Variants in RAB3GAP2 observed in about 807,000 individuals in gnomAD.
The protein encoded by RAB3GAP2 is RAB3 GTPase activating non-catalytic protein subunit 2.
A neutral mutation model predicts 185.3 loss-of-function variants in RAB3GAP2; 87 were observed. That is an observed-to-expected ratio of 0.47 (90% CI 0.39 to 0.56). The LOEUF is 0.56. Among genes scored for constraint, RAB3GAP2 ranks in the 20% least tolerant of loss-of-function variants. The pLI is 0.00. For synonymous variants in RAB3GAP2, 554 were observed against 576.1 expected (o/e 0.96, Z 0.55); for missense variants, 1,492 against 1,638.2 (o/e 0.91, Z 1.54).
chr1:220,220,787 CTCTCT>C (rs1179044714), intron 2 of RAB3GAP2, among the ~76,000 whole-genome samples: 1 of 152,186 alleles, frequency 6.6e-6, no homozygotes, highest in South Asian at 2.1e-4. Flanking sequence ...CCTGCACAAG[CTCTCT>C]TCTCTTGTCT....
At chr1:220,153,891 T>C in intron 32 of RAB3GAP2, 77 bp downstream of exon 32, 2 of 1,594,044 alleles carry the variant, frequency 1.3e-6, no homozygotes, top group Non-Finnish European at 1.7e-6. Flanking sequence ...AGTCATTCTT[T>C]TCAAAAGCCA....
At position 220,245,318 on chromosome 1, in the gene RAB3GAP2, G is replaced by A. The variant is rs997778620; in HGVS notation, c.116-12455C>T. Among the ~76,000 whole-genome samples the A allele has an allele frequency of 6.6e-5, 10 of 152,352 alleles. No individual in the cohort carries two copies. In the East Asian group the frequency reaches 1.9e-3, roughly 29 times the overall value. On this transcript the variant is annotated intron_variant, in intron 1 of 34. Coordinates refer to ENST00000358951, the MANE Select transcript of RAB3GAP2 (RefSeq NM_012414.4). ...GCAGGCCAGTGGGTGCGCGCACCAT[G>A]CGCGAGCCGAAGCAGGGCGAGGCAT...
intron 2 of RAB3GAP2, among the ~76,000 whole-genome samples, chr1:220,227,034 T>C (rs527981907): frequency 1.1e-4 from 16 of 152,326 alleles, no homozygotes; most frequent in African/African-American, 3.6e-4. Flanking sequence ...TCAGCCCCGA[T>C]GGCACCTTGA....
chr1:220,180,473 C>T (rs1482609818), intron 21 of RAB3GAP2, among the ~76,000 whole-genome samples: 6 of 151,922 alleles, frequency 3.9e-5, no homozygotes, highest in Non-Finnish European at 8.8e-5. Flanking sequence ...ACAATTGATA[C>T]CATAGAAATA....
chr1:220,226,268 A>G (rs1659400688), intron 2 of RAB3GAP2, among the ~76,000 whole-genome samples: 1 of 152,202 alleles, frequency 6.6e-6, no homozygotes, highest in South Asian at 2.1e-4. Flanking sequence ...AGGAAAGTCC[A>G]TTAAATCAGT....
In RAB3GAP2 at chr1:220,172,675, C is replaced by A. The variant is rs766431062; in HGVS notation, c.2378G>T (p.Cys793Phe). The A allele has an allele frequency of 1.2e-6, 2 of 1,613,082 alleles. No individual in the cohort carries two copies. The highest frequency in any genetic ancestry group is 4.5e-5 in the East Asian group (2 of 44,866). Residue 793 changes from cysteine to phenylalanine, a missense_variant, in exon 22 of 35, where the codon TGT (cysteine) becomes TTT (phenylalanine). Transcript: ENST00000358951. ...CAGGAGGGACAGCATGGTATGAAGA[C>A]AGCAGATTGACTGTGGTTTATCCAA... ...DILDKPQSIC[C>F]LHTMLSLLSK... is the part of the protein sequence containing the mutation.
At chr1:220,266,081 C>G (rs1660222313) in intron 1 of RAB3GAP2, 1 of 154,410 alleles carries the variant, frequency 6.5e-6, no homozygotes, top group South Asian at 2.0e-4. Context: ...TTTAAAGCTA[C>G]AGAGGACAGT....
chr1:220,242,565 G>T (rs765550367), intron 1 of RAB3GAP2, among the ~76,000 whole-genome samples: 1 of 151,946 alleles, frequency 6.6e-6, no homozygotes, highest in African/African-American at 2.4e-5. Flanking sequence ...TCACAGCTCC[G>T]TATTATACCA....
intron 1 of RAB3GAP2, among the ~76,000 whole-genome samples, chr1:220,236,791 G>C (rs1659599843): frequency 6.6e-6 from 1 of 152,112 alleles, no homozygotes; most frequent in South Asian, 2.1e-4. Context: ...TTTCCAAGAA[G>C]GATGGTATTC....
intron 1 of RAB3GAP2, among the ~76,000 whole-genome samples, chr1:220,245,777 C>T (rs1659799488): frequency 6.6e-6 from 1 of 152,160 alleles, no homozygotes; most frequent in Non-Finnish European, 1.5e-5. Context: ...TGTCTGACAG[C>T]TTTGAAGAGA....
intron 1 of RAB3GAP2, among the ~76,000 whole-genome samples, chr1:220,255,406 G>T (rs1660016997): frequency 6.6e-6 from 1 of 152,168 alleles, no homozygotes; most frequent in African/African-American, 2.4e-5. Context: ...TCCAGCAAGG[G>T]CACAGAACCA....
intron 9 of RAB3GAP2, chr1:220,200,513 T>G (rs767270541): frequency 1.9e-6 from 1 of 513,486 alleles, no homozygotes; most frequent in Non-Finnish European, 4.0e-6. Flanking sequence ...CATAAAGATG[T>G]ACATACAATA....
chr1:220,237,915 C>T (rs1209423387), intron 1 of RAB3GAP2, among the ~76,000 whole-genome samples: 4 of 151,126 alleles, frequency 2.6e-5, no homozygotes, highest in Non-Finnish European at 5.9e-5. Context: ...GTGAAATTAA[C>T]CTTAATAATA....
chr1:220,259,547 T>C (rs1412556688), intron 1 of RAB3GAP2, among the ~76,000 whole-genome samples: 1 of 152,090 alleles, frequency 6.6e-6, no homozygotes, highest in East Asian at 1.9e-4. Context: ...CATATGCAGA[T>C]CATCGAAACT....
rs1006011113 is a variant in RAB3GAP2 at position 220,253,984 on chromosome 1, C to T, written c.115+18239G>A. 219 of 1,613,488 alleles carry T rather than the reference C, an allele frequency of 1.4e-4. 2 individuals carry two copies. Among genetic ancestry groups the T allele is most frequent in the Non-Finnish European group, 1.7e-4 (206 of 1,179,628 alleles). On this transcript the variant is annotated intron_variant, in intron 1 of 34. Transcript: ENST00000358951. ...TCAGCCTCCTTGGAAGAAAAGGGCCCGGGTAGATCCTACTGTTGAAAATGA... is the reference window on the plus strand; with the variant it reads ...TCAGCCTCCTTGGAAGAAAAGGGCCTGGGTAGATCCTACTGTTGAAAATGA...
intron 2 of RAB3GAP2, among the ~76,000 whole-genome samples, chr1:220,215,850 GAAAGCTA>G: frequency 6.6e-6 from 1 of 152,136 alleles, no homozygotes; most frequent in African/African-American, 2.4e-5. Context: ...AAAGGGAGGG[GAAAGCTA>G]TGCAGGTTAA....
chr1:220,157,983 C>A, intron 29 of RAB3GAP2, 107 bp from the exon 30 acceptor site: 2 of 833,104 alleles, frequency 2.4e-6, no homozygotes, highest in Admixed American at 4.0e-5. Context: ...TGACTTTCCA[C>A]ACTGAATAGA....
At position 220,153,186 on chromosome 1, in the gene RAB3GAP2, T is replaced by A; in HGVS notation, c.3866A>T (p.Glu1289Val). 6.2e-7 allele frequency: 1 copy of A among 1,600,660 alleles called. No homozygotes were observed. The highest frequency in any genetic ancestry group is 8.6e-7 in the Non-Finnish European group (1 of 1,167,726). ...TAACATTCAAAGGGTCATGATTACC[T>A]CTTCTCCTAAGTGGTCAACTCCATA... ...YNYGVDHLGE[E>V]AILQVHDKEV... Residue 1289 changes from glutamate to valine, a missense_variant and splice_region_variant, in exon 33 of 35, where the codon GAG (glutamate) becomes GTG (valine). By Grantham distance (121) the Glu-to-Val change is moderately radical. Coordinates refer to ENST00000358951, the MANE Select transcript of RAB3GAP2 (RefSeq NM_012414.4).
intron 31 of RAB3GAP2, among the ~76,000 whole-genome samples, chr1:220,154,585 G>C (rs1657822802): frequency 1.3e-5 from 2 of 151,958 alleles, no homozygotes; most frequent in South Asian, 4.2e-4. Flanking sequence ...CTAAGCCAGA[G>C]GCACCTAGAT....
Sources: gnomAD v4.1 joint callset for allele counts (sites outside exome capture counted in the v4.1 genomes callset) on GRCh38, gnomAD v4.1.1 for gene constraint, MANE v1.5 for transcripts, NCBI Gene and HGNC (gene_info 2026-07-23, HGNC 2026-07-21) for gene names.